The following CAMTA1 variants were observed in gnomAD, a reference collection of about 807,000 sequenced individuals.
CAMTA1 encodes calmodulin binding transcription activator 1.
Under a neutral mutation model 170.9 loss-of-function variants are expected in CAMTA1, and 27 were observed. The ratio of observed to expected loss-of-function variants is 0.16; its 90% CI spans 0.12 to 0.22. The LOEUF is 0.22. Among genes scored for constraint, CAMTA1 ranks in the 10% least tolerant of loss-of-function variants. The pLI, the probability that CAMTA1 is intolerant of heterozygous loss-of-function variation, is 1.00. For missense variants in CAMTA1, 1,619 were observed against 2,217.2 expected, an observed-to-expected ratio of 0.73 and a Z score of 5.42; for synonymous variants, 833 against 891.5, an observed-to-expected ratio of 0.93 and a Z score of 1.17.
Position 7,156,666 on chromosome 1 carries a change from A to G in CAMTA1, c.302+65295A>G, listed in dbSNP as rs578013004. ...CTGATTGAGCATTCTTCATACCAAG[A>G]CCAAGACGATTTCAGAAGTATCTGT... On this transcript the variant is annotated intron_variant, in intron 4 of 22. Transcript: ENST00000303635. 5.9e-5 allele frequency among the ~76,000 whole-genome samples: 9 copies of G among 152,360 alleles called. No individual in the cohort carries two copies. In the South Asian group the frequency reaches 1.7e-3, roughly 28 times the overall value.
rs898598524 is a variant in CAMTA1, at chr1:7,044,197, G to C, written c.235-47107G>C. On this transcript the variant is annotated intron_variant, in intron 3 of 22. Coordinates refer to ENST00000303635, the MANE Select transcript of CAMTA1 (RefSeq NM_015215.4). This position sits in a 1 kb window ranked among gnomAD's most constrained non-coding sequence, Gnocchi z 5.0. ...CACAGCGCATGGCTGGGGCTGCAGA[G>C]CAGGCGCCCCAGTGTCATGGACCCT... is the stretch of plus-strand genomic sequence containing the variant. 6.6e-6 allele frequency among the ~76,000 whole-genome samples: 1 copy of C among 152,234 alleles called. No homozygotes were observed. The highest frequency in any genetic ancestry group is 2.1e-4 in the South Asian group (1 of 4,832).
In CAMTA1 at chr1:7,064,717, T is replaced by C. The variant is rs969596722; in HGVS notation, c.235-26587T>C. On this transcript the variant is annotated intron_variant, in intron 3 of 22. Coordinates refer to ENST00000303635, the MANE Select transcript of CAMTA1 (RefSeq NM_015215.4). This position sits in a 1 kb window ranked among gnomAD's most constrained non-coding sequence, Gnocchi z 5.4. ...GGAAGTGGGGGCTGGAGTCCAGAGA[T>C]TGCAGAGCATGCTGGTACTGGAGGG... Among the ~76,000 whole-genome samples, 2 of 151,196 alleles carry C rather than the reference T, an allele frequency of 1.3e-5. No homozygotes were observed. Among genetic ancestry groups the C allele is most frequent in the Admixed American group, 1.3e-4 (2 of 15,178 alleles).
chr1:6,965,536 C>A lies in CAMTA1; in HGVS notation c.235-125768C>A, dbSNP rs992787405. ...GGCACTGGTAGCAGCTGAAGCAAGGCGGCTCTAGATGGAGGGAGGGGACAG... is the reference window on the plus strand; with the variant it reads ...GGCACTGGTAGCAGCTGAAGCAAGGAGGCTCTAGATGGAGGGAGGGGACAG... On this transcript the variant is annotated intron_variant, in intron 3 of 22. Transcript: ENST00000303635. This position sits in a 1 kb window ranked among gnomAD's most constrained non-coding sequence, Gnocchi z 4.1. 5.3e-5 allele frequency among the ~76,000 whole-genome samples: 8 copies of A among 151,912 alleles called. No homozygotes were observed. The highest frequency in any genetic ancestry group is 3.3e-4 in the Admixed American group (5 of 15,246).
At chr1:7,715,417 TCCCATAGC>T in intron 11 of CAMTA1, among the ~76,000 whole-genome samples, 1 of 149,702 alleles carries the variant, frequency 6.7e-6, no homozygotes, top group South Asian at 2.1e-4. Flanking sequence ...TCAAGCTGCA[TCCCATAGC>T]CACACACTTT....
intron 12 of CAMTA1, among the ~76,000 whole-genome samples, chr1:7,735,772 T>C (rs1289432461): frequency 6.6e-6 from 1 of 151,952 alleles, no homozygotes. Context: ...GGGTTTTTTG[T>C]TGTTGTTGTT....
intron 6 of CAMTA1, among the ~76,000 whole-genome samples, chr1:7,512,665 G>A (rs192388952): frequency 1.1e-4 from 17 of 152,194 alleles, no homozygotes; most frequent in Non-Finnish European, 2.2e-4. Context: ...CTCCTATCAC[G>A]CTGGCCAGAG....
chr1:7,615,501 C>T (rs968244993), intron 6 of CAMTA1, among the ~76,000 whole-genome samples: 2 of 152,198 alleles, frequency 1.3e-5, no homozygotes, highest in Admixed American at 6.5e-5. Context: ...AAAGCATTCC[C>T]GGAGCTGTTA....
At chr1:6,838,500 T>C (rs1191411990) in intron 3 of CAMTA1, among the ~76,000 whole-genome samples, 2 of 152,132 alleles carry the variant, frequency 1.3e-5, no homozygotes, top group South Asian at 2.1e-4. Flanking sequence ...ACATCACCAA[T>C]AGAGAGATGG....
intron 5 of CAMTA1, among the ~76,000 whole-genome samples, chr1:7,462,132 T>C (rs151150990): frequency 1.3e-5 from 2 of 152,354 alleles, no homozygotes; most frequent in African/African-American, 4.8e-5. Flanking sequence ...CTACCTATTT[T>C]TATTTTATTT....
In CAMTA1 at chr1:7,325,237, C is replaced by T. The variant is rs535465850; in HGVS notation, c.438+75611C>T. On this transcript the variant is annotated intron_variant, in intron 5 of 22. Coordinates refer to ENST00000303635, the MANE Select transcript of CAMTA1 (RefSeq NM_015215.4). This position sits in a 1 kb window ranked among gnomAD's most constrained non-coding sequence, Gnocchi z 5.0. ...ACAGATTCTAAACAATAAACATCCA[C>T]GAGGAAATGATAGAAGATATCAGAA... 2.0e-4 allele frequency among the ~76,000 whole-genome samples: 30 copies of T among 152,126 alleles called. No individual in the cohort carries two copies. The highest frequency in any genetic ancestry group is 5.8e-4 in the African/African-American group (24 of 41,490).
chr1:7,086,809 T>G (rs1434166987), intron 3 of CAMTA1, among the ~76,000 whole-genome samples: 2 of 152,226 alleles, frequency 1.3e-5, no homozygotes, highest in Non-Finnish European at 2.9e-5. Flanking sequence ...GTTTCTTCAT[T>G]CATCCATCTG....
At chr1:7,581,915 T>C (rs996512833) in intron 6 of CAMTA1, among the ~76,000 whole-genome samples, 4 of 152,236 alleles carry the variant, frequency 2.6e-5, no homozygotes, top group African/African-American at 9.6e-5. Context: ...GTTCCTTGCA[T>C]GGCTGTTGTA....
chr1:7,683,201 A>G (rs12134153), intron 11 of CAMTA1, among the ~76,000 whole-genome samples: 1 of 150,502 alleles, frequency 6.6e-6, no homozygotes, highest in Non-Finnish European at 1.5e-5. Context: ...AAAAAAAAAG[A>G]ACATACAATG....
At chr1:7,668,427 A>ACC (rs1558092828) in intron 9 of CAMTA1, among the ~76,000 whole-genome samples, 1 of 132,292 alleles carries the variant, frequency 7.6e-6, no homozygotes, top group Non-Finnish European at 1.6e-5. Context: ...ACACACACAC[A>ACC]CACACCCACC....
chr1:6,810,353 C>T (rs993280880), intron 1 of CAMTA1, among the ~76,000 whole-genome samples: 5 of 152,184 alleles, frequency 3.3e-5, no homozygotes, highest in Non-Finnish European at 7.3e-5. Flanking sequence ...ATTCCTGCCC[C>T]AGGGGCCTCT....
chr1:7,035,931 G>A (rs968962546), intron 3 of CAMTA1, among the ~76,000 whole-genome samples: 5 of 152,120 alleles, frequency 3.3e-5, no homozygotes, highest in African/African-American at 1.2e-4. Flanking sequence ...GTGTATATAT[G>A]TATAAAGATC....
At position 7,092,156 on chromosome 1, in the gene CAMTA1, C is replaced by T. The variant is rs150360177; in HGVS notation, c.302+785C>T. On this transcript the variant is annotated intron_variant, in intron 4 of 22. Coordinates refer to ENST00000303635, the MANE Select transcript of CAMTA1 (RefSeq NM_015215.4). The surrounding 1 kb of genome is among the most constrained non-coding windows in gnomAD (Gnocchi z 5.0). ...CAGGACCCAGGTGTTTATTAGCTGG[C>T]GGGGTGGTAGCTGGAGTGTGGTTTA... is the stretch of plus-strand genomic sequence containing the variant. 1.1e-3 allele frequency among the ~76,000 whole-genome samples: 160 copies of T among 152,250 alleles called. No individual in the cohort carries two copies. Among genetic ancestry groups the T allele is most frequent in the Middle Eastern group, 3.4e-3 (1 of 294 alleles).
chr1:7,241,131 T>C (rs1360101183), intron 4 of CAMTA1, among the ~76,000 whole-genome samples: 1 of 152,244 alleles, frequency 6.6e-6, no homozygotes, highest in Admixed American at 6.5e-5. Context: ...AATTCAATTG[T>C]ATTTCTATAT....
chr1:7,478,748 A>G (rs1376125428), intron 6 of CAMTA1, among the ~76,000 whole-genome samples: 1 of 152,166 alleles, frequency 6.6e-6, no homozygotes, highest in Non-Finnish European at 1.5e-5. Flanking sequence ...CCCTCTAAGA[A>G]CATCCTTCAA....
Sources: allele counts gnomAD v4.1 joint callset (sites outside exome capture counted in the v4.1 genomes callset), GRCh38; gene constraint gnomAD v4.1.1; non-coding constraint Gnocchi (gnomAD v3.1); transcripts MANE v1.5; gene names NCBI Gene and HGNC (gene_info 2026-07-23, HGNC 2026-07-21).